PCDHGA5: variants seen among roughly 807,000 people sequenced by gnomAD.
The protein encoded by PCDHGA5 is protocadherin gamma subfamily A, 5.
PCDHGA5 carries 36 observed loss-of-function variants against 56.7 expected under a neutral mutation model. That is an observed-to-expected ratio of 0.64 (90% CI 0.49 to 0.84). The LOEUF (loss-of-function observed/expected upper bound fraction) is 0.84. PCDHGA5 is among the 40% of genes least tolerant of loss of function. PCDHGA5 has a pLI of 0.00. For missense variants in PCDHGA5, 1,305 were observed against 1,201.5 expected (o/e 1.09, Z -1.27); for synonymous variants, 563 against 520.2 (o/e 1.08, Z -1.12).
intron 1 of PCDHGA5, chr5:141,385,603 T>C: frequency 1.7e-6 from 2 of 1,190,158 alleles, no homozygotes; most frequent in South Asian, 5.3e-5. Flanking sequence ...CTTTCTTAAC[T>C]CATATATTTT....
intron 1 of PCDHGA5, among the ~76,000 whole-genome samples, chr5:141,457,215 T>C (rs1356941645): frequency 1.3e-5 from 2 of 152,186 alleles, no homozygotes; most frequent in South Asian, 2.1e-4. Flanking sequence ...AAATGTGGTG[T>C]GGTAGGTAAT....
chr5:141,397,268 T>A (rs532503951), intron 1 of PCDHGA5, among the ~76,000 whole-genome samples: 2 of 152,298 alleles, frequency 1.3e-5, no homozygotes, highest in South Asian at 4.1e-4. Context: ...CTTAGCTACA[T>A]CATATGGGCA....
intron 1 of PCDHGA5, chr5:141,404,432 GATACC>G: frequency 6.2e-7 from 1 of 1,613,380 alleles, no homozygotes; most frequent in African/African-American, 1.3e-5. Context: ...CTTGGCAGAG[GATACC>G]ATCCAAGGGT....
chr5:141,383,093 G>C, intron 1 of PCDHGA5: 1 of 1,613,930 alleles, frequency 6.2e-7, no homozygotes. Context: ...CGCGGAGTCC[G>C]CATCATCTCC....
intron 1 of PCDHGA5, among the ~76,000 whole-genome samples, chr5:141,479,798 G>C (rs892288776): frequency 6.6e-6 from 1 of 152,234 alleles, no homozygotes; most frequent in East Asian, 1.9e-4. Context: ...ATTAATTCAG[G>C]GTGGTATGCA....
chr5:141,375,414 A>G lies in PCDHGA5; in HGVS notation c.2421+8663A>G, dbSNP rs752900319. The stretch of plus-strand genomic sequence containing the variant: ...ACAATCATCTCTCTAAATGTGGCAG[A>G]CACCAACGACAACCCGCCCACCTTC... On this transcript the variant is annotated intron_variant, in intron 1 of 3. Transcript: ENST00000518069. 21 of 1,613,866 alleles carry G rather than the reference A, an allele frequency of 1.3e-5. No homozygotes were observed. In the South Asian group the frequency reaches 1.6e-4, roughly 13 times the overall value.
chr5:141,398,874 C>G (rs1384943457), intron 1 of PCDHGA5: 1 of 1,613,978 alleles, frequency 6.2e-7, no homozygotes, highest in South Asian at 1.1e-5. Context: ...TGTACAGAGT[C>G]AGCCTTCGGG....
At chr5:141,484,075 C>G (rs1397285710) in intron 1 of PCDHGA5, among the ~76,000 whole-genome samples, 2 of 152,084 alleles carry the variant, frequency 1.3e-5, no homozygotes, top group African/African-American at 4.8e-5. Context: ...AAAGCTTGCT[C>G]TTTTGAAATG....
At chr5:141,374,684 G>A in intron 1 of PCDHGA5, 1 of 1,609,636 alleles carries the variant, frequency 6.2e-7, no homozygotes, top group Non-Finnish European at 8.5e-7. Flanking sequence ...GGGCACACTG[G>A]ACCGGGAAGG....
rs62378419 is a variant in PCDHGA5, at chr5:141,366,152, C to T, written c.1822C>T (p.Leu608=). The T allele has an allele frequency of 0.028, 45,753 of 1,614,134 alleles. 734 individuals are homozygous for T. Among genetic ancestry groups the T allele is most frequent in the Middle Eastern group, 0.089 (542 of 6,058 alleles). Residue 608 remains leucine, a synonymous_variant, in exon 1 of 4, where the codon CTG becomes TTG. Transcript: ENST00000518069. ...SGQNAWLSYR[L]LKASEPGLFA... The stretch of plus-strand genomic sequence containing the variant: ...CCAGAACGCCTGGCTGTCCTACCGC[C>T]TGCTTAAGGCCAGCGAGCCAGGACT...
intron 1 of PCDHGA5, chr5:141,410,438 G>A (rs957017717): frequency 2.5e-6 from 4 of 1,613,894 alleles, no homozygotes; most frequent in African/African-American, 2.7e-5. Flanking sequence ...CTACAGTGAG[G>A]GGACTTTGCC....
intron 2 of PCDHGA5, among the ~76,000 whole-genome samples, chr5:141,504,479 G>T (rs1270717855): frequency 6.6e-6 from 1 of 152,100 alleles, no homozygotes; most frequent in African/African-American, 2.4e-5. Context: ...TGGGAGTACA[G>T]TGGAGGCACC....
intron 1 of PCDHGA5, among the ~76,000 whole-genome samples, chr5:141,460,221 C>T (rs931609262): frequency 3.4e-4 from 51 of 151,918 alleles, no homozygotes; most frequent in African/African-American, 1.2e-3. Flanking sequence ...TTAGTTGTGT[C>T]TTTTGAAGAG....
At chr5:141,395,340 G>A in intron 1 of PCDHGA5, 2 of 1,419,480 alleles carry the variant, frequency 1.4e-6, no homozygotes, top group Non-Finnish European at 1.9e-6. Context: ...TAATTTTTAA[G>A]GTGTATCACA....
intron 1 of PCDHGA5, chr5:141,398,744 G>C (rs1561665852): frequency 1.2e-6 from 2 of 1,613,854 alleles, no homozygotes; most frequent in East Asian, 4.5e-5. Flanking sequence ...GAACAACAGA[G>C]TTACCATCGT....
intron 1 of PCDHGA5, among the ~76,000 whole-genome samples, chr5:141,425,058 G>A (rs938128250): frequency 1.3e-5 from 2 of 151,986 alleles, no homozygotes; most frequent in African/African-American, 2.4e-5. Context: ...TCTAGGGCTC[G>A]GACAAAAATA....
At chr5:141,423,572 G>A (rs1239529114) in intron 1 of PCDHGA5, 1 of 1,613,510 alleles carries the variant, frequency 6.2e-7, no homozygotes, top group Admixed American at 1.7e-5. Flanking sequence ...ACGCTCATCA[G>A]CCAGGAGAGC....
chr5:141,509,350 G>C (rs2099876432), intron 3 of PCDHGA5, among the ~76,000 whole-genome samples: 5 of 152,142 alleles, frequency 3.3e-5, no homozygotes. Flanking sequence ...GGGCTGGCCT[G>C]GGCATCCCTG....
intron 1 of PCDHGA5, chr5:141,403,680 C>A: frequency 6.2e-7 from 1 of 1,613,846 alleles, no homozygotes; most frequent in Non-Finnish European, 8.5e-7. Context: ...CCGGTTTTTG[C>A]TCAACGGATT....
Sources: gnomAD v4.1 joint callset for allele counts (sites outside exome capture counted in the v4.1 genomes callset) on GRCh38, gnomAD v4.1.1 for gene constraint, MANE v1.5 for transcripts, NCBI Gene and HGNC (gene_info 2026-07-23, HGNC 2026-07-21) for gene names.